Variants in KLRF1 observed in about 807,000 individuals in gnomAD.
KLRF1 encodes the protein killer cell lectin-like receptor subfamily F member 1.
In KLRF1, 27 loss-of-function variants were observed where a neutral mutation model predicts 30.7. The ratio of observed to expected loss-of-function variants is 0.88; its 90% CI spans 0.65 to 1.21. KLRF1 has a LOEUF of 1.21. KLRF1 is among the 50% of genes most tolerant of loss of function. The probability of loss-of-function intolerance (pLI) is 0.00; values close to 1 mark genes in which losing one functional copy is unlikely to be tolerated. For missense variants in KLRF1, 246 were observed against 259.3 expected (o/e 0.95, Z 0.35); for synonymous variants, 92 against 89.3 (o/e 1.03, Z -0.17).
At chr12:9,832,181 C>A (rs543432799) in intron 1 of KLRF1, 135 bp from the exon 2 acceptor site, 64 of 524,944 alleles carry the variant, frequency 1.2e-4, no homozygotes, top group Non-Finnish European at 2.1e-4. Context: ...ATTTACTTAG[C>A]CTTCATGCTT....
chr12:9,841,805 T>A lies in KLRF1; in HGVS notation c.335-7T>A. The A allele has an allele frequency of 6.3e-7, 1 of 1,585,526 alleles. No individual in the cohort carries two copies. The highest frequency in any genetic ancestry group is 8.6e-7 in the Non-Finnish European group (1 of 1,167,318). On this transcript the variant is annotated splice_region_variant and splice_polypyrimidine_tract_variant and intron_variant, in intron 3 of 5. Transcript: ENST00000617889. ...AATTTCATTTTGTTTTCTACATTTC[T>A]CTGTAGTACTATGCCAATCAGAATG...
At chr12:9,804,970 T>C in the KLRF1 span, among the ~76,000 whole-genome samples, 1 of 152,048 alleles carries the variant, frequency 6.6e-6, no homozygotes, top group Non-Finnish European at 1.5e-5. Flanking sequence ...ATACATTCTA[T>C]TTGATCATTG....
upstream of KLRF1, among the ~76,000 whole-genome samples, chr12:9,826,918 T>C (rs2232540): frequency 7.9e-5 from 12 of 152,144 alleles, no homozygotes; most frequent in East Asian, 2.1e-3. Flanking sequence ...CATAACTATG[T>C]AGTACTAGTC....
rs113399793 is a variant in KLRF1, at chr12:9,837,714, C to T, written c.335-4098C>T. ...CATTCAACTTAACTTTTACAAACAT[C>T]GTTTGGTAGCCTCAAGGCAGATATC... On this transcript the variant is annotated intron_variant, in intron 3 of 5. Coordinates refer to ENST00000617889, the MANE Select transcript of KLRF1 (RefSeq NM_016523.3). Among the ~76,000 whole-genome samples, 816 of 152,272 alleles carry T rather than the reference C, an allele frequency of 5.4e-3. 5 individuals are homozygous for T. Among genetic ancestry groups the T allele is most frequent in the African/African-American group, 0.018 (736 of 41,572 alleles).
At chr12:9,803,971 A>C in the KLRF1 span, among the ~76,000 whole-genome samples, 1 of 151,770 alleles carries the variant, frequency 6.6e-6, no homozygotes, top group East Asian at 1.9e-4. Flanking sequence ...ATATCCTGGA[A>C]ATAACTTGCT....
chr12:9,830,870 A>G (rs998619085), intron 1 of KLRF1, among the ~76,000 whole-genome samples: 6 of 152,012 alleles, frequency 3.9e-5, no homozygotes, highest in African/African-American at 7.2e-5. Context: ...TTTATAAGTT[A>G]AATTAAACCA....
chr12:9,817,060 C>T, the KLRF1 span, among the ~76,000 whole-genome samples: 1 of 152,188 alleles, frequency 6.6e-6, no homozygotes, highest in African/African-American at 2.4e-5. Context: ...GCATTTTGTC[C>T]TACGTGTGAA....
At chr12:9,839,214 C>T (rs1410913346) in intron 3 of KLRF1, among the ~76,000 whole-genome samples, 1 of 152,050 alleles carries the variant, frequency 6.6e-6, no homozygotes, top group Non-Finnish European at 1.5e-5. Context: ...AGACTGCCAG[C>T]TTCTCATTGT....
At chr12:9,837,822 G>A (rs1565508356) in intron 3 of KLRF1, among the ~76,000 whole-genome samples, 1 of 152,228 alleles carries the variant, frequency 6.6e-6, no homozygotes, top group East Asian at 1.9e-4. Flanking sequence ...AGAAACTCAT[G>A]AAAAACAAAC....
chr12:9,832,656 AGTGT>A (rs58686028), intron 2 of KLRF1, among the ~76,000 whole-genome samples: 4,137 of 145,842 alleles, frequency 0.028, 95 homozygotes, highest in African/African-American at 0.061. Flanking sequence ...GTATGTGTAG[AGTGT>A]GTGTGTGTGT....
chr12:9,831,061 C>T (rs1867412300), intron 1 of KLRF1, among the ~76,000 whole-genome samples: 2 of 151,970 alleles, frequency 1.3e-5, no homozygotes, highest in South Asian at 4.2e-4. Flanking sequence ...ACCTGTAGTG[C>T]TTAGGAGAAA....
chr12:9,843,484 A>G (rs2136969183), intron 5 of KLRF1, among the ~76,000 whole-genome samples: 1 of 152,244 alleles, frequency 6.6e-6, no homozygotes, highest in Admixed American at 6.5e-5. Flanking sequence ...AATATTACAT[A>G]TTTTCTATCT....
At chr12:9,836,082 A>G (rs1422769465) in intron 3 of KLRF1, among the ~76,000 whole-genome samples, 1 of 152,058 alleles carries the variant, frequency 6.6e-6, no homozygotes, top group African/African-American at 2.4e-5. Context: ...GCAGTTGTTC[A>G]ATAAGGAGAG....
chr12:9,810,391 T>C, the KLRF1 span, among the ~76,000 whole-genome samples: 2 of 152,188 alleles, frequency 1.3e-5, no homozygotes, highest in Non-Finnish European at 2.9e-5. Flanking sequence ...CTTTGATAAA[T>C]TTAAACAAAT....
rs7980232 is a variant in KLRF1, at chr12:9,844,676, C to G, written c.*150C>G. ...CCCTCCATCATCGACACTGGTCTAGCCTCAGAGTAACCCCTGTTAACAAAC... is the reference window on the plus strand; with the variant it reads ...CCCTCCATCATCGACACTGGTCTAGGCTCAGAGTAACCCCTGTTAACAAAC... On this transcript the variant is annotated 3_prime_UTR_variant, in exon 6 of 6. Coordinates refer to ENST00000617889, the MANE Select transcript of KLRF1 (RefSeq NM_016523.3). 48,845 of 535,372 alleles carry G rather than the reference C, an allele frequency of 0.091. 2,681 individuals are homozygous for G. Among genetic ancestry groups the G allele is most frequent in the African/African-American group, 0.19 (9,946 of 52,278 alleles). The allele number at this position is 535,372 out of a possible 1,614,324, so 33.2% of individuals were successfully genotyped here. A position where few individuals can be genotyped will look rare whatever the true frequency, so the allele number is the denominator to read the frequency against.
chr12:9,842,174 A>C (rs1400903867), intron 4 of KLRF1, 147 bp from the exon 5 acceptor site: 1 of 851,386 alleles, frequency 1.2e-6, no homozygotes, highest in Non-Finnish European at 1.8e-6. Flanking sequence ...TAACATATAT[A>C]TGATATAATG....
chr12:9,830,850 T>C (rs1260533141), intron 1 of KLRF1, among the ~76,000 whole-genome samples: 6 of 152,082 alleles, frequency 3.9e-5, no homozygotes, highest in Non-Finnish European at 2.9e-5. Context: ...AAAAGGCTTG[T>C]GTTTTAACCT....
chr12:9,835,658 T>C (rs1179466280), intron 3 of KLRF1, among the ~76,000 whole-genome samples: 1 of 152,076 alleles, frequency 6.6e-6, no homozygotes, highest in Non-Finnish European at 1.5e-5. Flanking sequence ...AAGGCTCCAA[T>C]TGTTTCGGTG....
chr12:9,839,268 A>T lies in KLRF1; in HGVS notation c.335-2544A>T, dbSNP rs188601733. Among the ~76,000 whole-genome samples, 395 of 151,914 alleles carry T rather than the reference A, an allele frequency of 2.6e-3. 1 individual carries two copies. The highest frequency in any genetic ancestry group is 8.8e-3 in the African/African-American group (365 of 41,444). On this transcript the variant is annotated intron_variant, in intron 3 of 5. Coordinates refer to ENST00000617889, the MANE Select transcript of KLRF1 (RefSeq NM_016523.3). ...GCAGAATGACTCAAGTTATCTCAGG[A>T]CTCTTACGAGTACTAATCCCATTCT...
Sources: allele counts gnomAD v4.1 joint callset (sites outside exome capture counted in the v4.1 genomes callset), GRCh38; gene constraint gnomAD v4.1.1; transcripts MANE v1.5; gene names NCBI Gene and HGNC (gene_info 2026-07-23, HGNC 2026-07-21).